The following MYRIP variants were observed in gnomAD, a reference collection of about 807,000 sequenced individuals.
MYRIP encodes the protein myosin VIIA and Rab interacting protein, also known as rab effector MyRIP.
In MYRIP, 49 loss-of-function variants were observed where a neutral mutation model predicts 98.0. The ratio of observed to expected loss-of-function variants is 0.50; its 90% CI spans 0.40 to 0.63. The LOEUF (loss-of-function observed/expected upper bound fraction) is 0.63, where lower values mean the gene tolerates loss of function less well. Among genes scored for constraint, MYRIP ranks in the 30% least tolerant of loss-of-function variants. The pLI, the probability that MYRIP is intolerant of heterozygous loss-of-function variation, is 0.00. For missense variants in MYRIP, 1,004 were observed against 1,058.2 expected, an observed-to-expected ratio of 0.95 and a Z score of 0.71; for synonymous variants, 404 against 409.5, an observed-to-expected ratio of 0.99 and a Z score of 0.16.
intron 2 of MYRIP, among the ~76,000 whole-genome samples, chr3:39,964,833 A>G (rs1330978176): frequency 6.6e-6 from 1 of 152,148 alleles, no homozygotes; most frequent in Non-Finnish European, 1.5e-5. Context: ...TTTTCTTATA[A>G]TCTTCATTTA....
intron 15 of MYRIP, 91 bp downstream of exon 15, chr3:40,250,590 T>A: frequency 7.1e-7 from 1 of 1,404,428 alleles, no homozygotes; most frequent in Middle Eastern, 1.8e-4. Context: ...GAGAATTAGA[T>A]CTAATGGAGT....
At chr3:40,031,867 ATTC>A (rs1461171663) in intron 2 of MYRIP, among the ~76,000 whole-genome samples, 4 of 150,890 alleles carry the variant, frequency 2.7e-5, no homozygotes, top group Non-Finnish European at 4.4e-5. Flanking sequence ...CGTCTATTTG[ATTC>A]TTCTCTCTTT....
At chr3:40,234,127 G>A (rs956532387) in intron 12 of MYRIP, 74 bp downstream of exon 12, 67 of 1,451,086 alleles carry the variant, frequency 4.6e-5, no homozygotes, top group East Asian at 1.9e-4. Flanking sequence ...GTAGCTTATC[G>A]TGAAGAGTGC....
chr3:40,071,512 C>T (rs1303327088), intron 3 of MYRIP, among the ~76,000 whole-genome samples: 1 of 152,056 alleles, frequency 6.6e-6, no homozygotes, highest in Non-Finnish European at 1.5e-5. Flanking sequence ...ACATGTGTGA[C>T]GATTCAGTAG....
At chr3:40,129,124 T>C (rs1949582387) in intron 3 of MYRIP, among the ~76,000 whole-genome samples, 1 of 151,652 alleles carries the variant, frequency 6.6e-6, no homozygotes, top group Non-Finnish European at 1.5e-5. Flanking sequence ...AAGTGGATTG[T>C]GGTCAAAATT....
chr3:39,953,770 A>C (rs1251349378), intron 2 of MYRIP, among the ~76,000 whole-genome samples: 1 of 152,128 alleles, frequency 6.6e-6, no homozygotes. Flanking sequence ...TCCTTTTCCT[A>C]GCCAAGGGAA....
chr3:39,873,905 A>T lies in MYRIP; in HGVS notation c.-30-26882A>T, dbSNP rs186578908. On this transcript the variant is annotated intron_variant, in intron 1 of 16. Transcript: ENST00000302541. The stretch of plus-strand genomic sequence containing the variant: ...GCATTGGTAGCTTGATGGGAATGGC[A>T]TTGAATCTGTAAATTACCTTGGGCA... 7.0e-3 allele frequency among the ~76,000 whole-genome samples: 1,059 copies of T among 152,202 alleles called. 2 individuals carry two copies. Among genetic ancestry groups the T allele is most frequent in the Non-Finnish European group, 9.9e-3 (675 of 68,034 alleles).
chr3:39,820,792 T>C (rs981469625), intron 1 of MYRIP, among the ~76,000 whole-genome samples: 41 of 152,292 alleles, frequency 2.7e-4, no homozygotes, highest in African/African-American at 9.9e-4. Flanking sequence ...CAGGTGCCTC[T>C]CCTAGAACTG....
intron 2 of MYRIP, among the ~76,000 whole-genome samples, chr3:39,938,300 A>G (rs1944702234): frequency 6.6e-6 from 1 of 152,134 alleles, no homozygotes; most frequent in Non-Finnish European, 1.5e-5. Flanking sequence ...GTCATGTTCA[A>G]AAGAGTCACC....
chr3:39,823,512 TTTG>T (rs1347822652), intron 1 of MYRIP, among the ~76,000 whole-genome samples: 2 of 152,282 alleles, frequency 1.3e-5, no homozygotes, highest in African/African-American at 4.8e-5. Flanking sequence ...CTTGCCAGCA[TTTG>T]TTATTTTTTG....
At chr3:40,129,386 A>G (rs922530030) in intron 3 of MYRIP, among the ~76,000 whole-genome samples, 9 of 131,628 alleles carry the variant, frequency 6.8e-5, no homozygotes, top group Non-Finnish European at 1.2e-4. Context: ...GGTTGCAGTG[A>G]GCCGAGATAA....
intron 16 of MYRIP, among the ~76,000 whole-genome samples, chr3:40,254,762 A>G (rs1953517723): frequency 6.6e-6 from 1 of 152,114 alleles, no homozygotes; most frequent in African/African-American, 2.4e-5. Context: ...CTTTCACAAA[A>G]CCAACATACA....
chr3:40,086,855 C>G (rs868158310), intron 3 of MYRIP, among the ~76,000 whole-genome samples: 1 of 151,930 alleles, frequency 6.6e-6, no homozygotes, highest in Admixed American at 6.6e-5. Flanking sequence ...CATGGCCCCC[C>G]ACATTCCAGC....
chr3:39,876,676 C>A (rs910939334), intron 1 of MYRIP, among the ~76,000 whole-genome samples: 1 of 151,940 alleles, frequency 6.6e-6, no homozygotes, highest in Non-Finnish European at 1.5e-5. Context: ...GGCCCCCACT[C>A]TCTTCTGGCT....
rs768122657 is a variant in MYRIP, at chr3:40,169,934, G to A, written c.730-16G>A. The A allele has an allele frequency of 1.7e-5, 28 of 1,610,372 alleles. No individual in the cohort carries two copies. The Admixed American group carries it at 4.4e-4, about 25-fold the overall frequency. On this transcript the variant is annotated splice_polypyrimidine_tract_variant and intron_variant, in intron 7 of 16. Coordinates refer to ENST00000302541, the MANE Select transcript of MYRIP (RefSeq NM_015460.4). Reference sequence around the variant, plus strand: ...CTCTCCAATAACTTGCCCCTTTTTTGTCCTCCCCTCCCCAGATTATACGAA... The same window carrying A: ...CTCTCCAATAACTTGCCCCTTTTTTATCCTCCCCTCCCCAGATTATACGAA...
At chr3:40,228,672 A>G (rs1491001599) in intron 11 of MYRIP, among the ~76,000 whole-genome samples, 1 of 152,190 alleles carries the variant, frequency 6.6e-6, no homozygotes, top group African/African-American at 2.4e-5. Flanking sequence ...CCTGAGGTGG[A>G]GACAGGAAAA....
chr3:40,029,284 A>C (rs1164796098), intron 2 of MYRIP, among the ~76,000 whole-genome samples: 2 of 152,168 alleles, frequency 1.3e-5, no homozygotes, highest in Non-Finnish European at 2.9e-5. Flanking sequence ...CATTTTATTC[A>C]GCCAAGTGTA....
intron 2 of MYRIP, among the ~76,000 whole-genome samples, chr3:40,032,609 A>G: frequency 6.6e-6 from 1 of 152,202 alleles, no homozygotes; most frequent in South Asian, 2.1e-4. Flanking sequence ...AGTCCAGGAC[A>G]AAATGGATTC....
intron 8 of MYRIP, among the ~76,000 whole-genome samples, chr3:40,175,272 C>T (rs1346551174): frequency 6.6e-6 from 1 of 152,216 alleles, no homozygotes; most frequent in South Asian, 2.1e-4. Flanking sequence ...AGCCTGAACA[C>T]CACCAATGCT....
Sources: allele counts gnomAD v4.1 joint callset (sites outside exome capture counted in the v4.1 genomes callset), GRCh38; gene constraint gnomAD v4.1.1; transcripts MANE v1.5; gene names NCBI Gene and HGNC (gene_info 2026-07-23, HGNC 2026-07-21).